The following RIT2 variants were observed in gnomAD, a reference collection of about 807,000 sequenced individuals.
The protein encoded by RIT2 is Ras like without CAAX 2.
Under a neutral mutation model 23.7 loss-of-function variants are expected in RIT2, and 24 were observed. The ratio of observed to expected loss-of-function variants is 1.01; its 90% CI spans 0.73 to 1.43. The LOEUF (loss-of-function observed/expected upper bound fraction) is 1.43. Among genes scored for constraint, RIT2 ranks in the 40% most tolerant of loss-of-function variants. The pLI is 0.00. For synonymous variants in RIT2, 107 were observed against 91.1 expected (o/e 1.17, Z -0.99); for missense variants, 236 against 266.9 (o/e 0.88, Z 0.81).
chr18:42,845,785 A>G (rs1025737322), intron 4 of RIT2, among the ~76,000 whole-genome samples: 10 of 151,804 alleles, frequency 6.6e-5, no homozygotes, highest in Non-Finnish European at 1.2e-4. Flanking sequence ...GCAGAGACTA[A>G]TAAACACTTC....
chr18:42,874,948 A>G (rs949870635), intron 4 of RIT2, among the ~76,000 whole-genome samples: 1 of 152,108 alleles, frequency 6.6e-6, no homozygotes, highest in African/African-American at 2.4e-5. Context: ...CTGAAATTGA[A>G]CTAATCATGC....
At chr18:42,998,045 C>A (rs1911026015) in intron 2 of RIT2, among the ~76,000 whole-genome samples, 2 of 152,136 alleles carry the variant, frequency 1.3e-5, no homozygotes, top group South Asian at 2.1e-4. Flanking sequence ...CACCACAATA[C>A]ATTTTTTTTA....
In RIT2 at chr18:42,920,537, T is replaced by A. The variant is rs150643696; in HGVS notation, c.426+3035A>T. ...AATATTTTTCACAGATTAAATACTA[T>A]CCTTTGAATCCTTCCACATTAAAGC... On this transcript the variant is annotated intron_variant, in intron 4 of 4. Transcript: ENST00000326695. 6.6e-5 allele frequency among the ~76,000 whole-genome samples: 10 copies of A among 152,346 alleles called. No individual in the cohort carries two copies. In the East Asian group the frequency reaches 1.9e-3, roughly 29 times the overall value.
At chr18:42,803,716 T>C (rs954488666) in intron 4 of RIT2, among the ~76,000 whole-genome samples, 2 of 152,234 alleles carry the variant, frequency 1.3e-5, no homozygotes, top group Non-Finnish European at 2.9e-5. Context: ...TCCAACCTGA[T>C]GCTATTTGCT....
At chr18:42,891,093 G>C (rs1410130788) in intron 4 of RIT2, among the ~76,000 whole-genome samples, 4 of 152,134 alleles carry the variant, frequency 2.6e-5, no homozygotes, top group Admixed American at 1.3e-4. Flanking sequence ...AGGAATTTCT[G>C]CATAATTGCA....
In RIT2 at chr18:42,964,372, C is replaced by T. The variant is rs571897734; in HGVS notation, c.234+9702G>A. Among the ~76,000 whole-genome samples, 9 of 151,882 alleles carry T rather than the reference C, an allele frequency of 5.9e-5. No individual in the cohort carries two copies. In the East Asian group the frequency reaches 1.6e-3, roughly 26 times the overall value. ...ACTAGATGAAAAGCTACATGCCTCCCCAGTATTTTGCCCACAAGGAAATTC... is the reference window on the plus strand; with the variant it reads ...ACTAGATGAAAAGCTACATGCCTCCTCAGTATTTTGCCCACAAGGAAATTC... On this transcript the variant is annotated intron_variant, in intron 3 of 4. Transcript: ENST00000326695.
chr18:43,036,783 C>A (rs1341363160), intron 1 of RIT2, among the ~76,000 whole-genome samples: 3 of 152,120 alleles, frequency 2.0e-5, no homozygotes, highest in Non-Finnish European at 2.9e-5. Context: ...GTATAAGTTT[C>A]TTTTGTGTTT....
At position 42,814,057 on chromosome 18, in the gene RIT2, G is replaced by T. The variant is rs980139808; in HGVS notation, c.427-70337C>A. 2.0e-5 allele frequency among the ~76,000 whole-genome samples: 3 copies of T among 152,194 alleles called. No individual in the cohort carries two copies. The East Asian group carries it at 5.8e-4, about 29-fold the overall frequency. ...ATACAGGGGTAGAGGAAGCAGTGGG[G>T]TAAGGCCTGTGAGCTCACTGTGTCC... is the stretch of plus-strand genomic sequence containing the variant. On this transcript the variant is annotated intron_variant, in intron 4 of 4. Coordinates refer to ENST00000326695, the MANE Select transcript of RIT2 (RefSeq NM_002930.4).
chr18:42,841,791 TCTCA>T (rs1478389819), intron 4 of RIT2, among the ~76,000 whole-genome samples: 2 of 152,324 alleles, frequency 1.3e-5, no homozygotes, highest in East Asian at 1.9e-4. Flanking sequence ...AAGGGAATCA[TCTCA>T]CTATTATTTA....
chr18:43,022,894 G>T (rs1911629257), intron 2 of RIT2, among the ~76,000 whole-genome samples: 1 of 152,058 alleles, frequency 6.6e-6, no homozygotes, highest in Admixed American at 6.6e-5. Context: ...ACAATAAGTG[G>T]TTTATTCAGA....
At chr18:42,974,193 G>C in intron 2 of RIT2, 46 bp from the exon 3 acceptor site, 2 of 1,314,590 alleles carry the variant, frequency 1.5e-6, no homozygotes, top group South Asian at 1.2e-5. Context: ...GACAGGAAAG[G>C]CATTATTAAT....
rs533964998 is a variant in RIT2 at position 42,941,456 on chromosome 18, C to A, written c.235-17693G>T. 2.3e-3 allele frequency among the ~76,000 whole-genome samples: 356 copies of A among 152,116 alleles called. 2 individuals are homozygous for A. Among genetic ancestry groups the A allele is most frequent in the African/African-American group, 8.1e-3 (336 of 41,526 alleles). On this transcript the variant is annotated intron_variant, in intron 3 of 4. Transcript: ENST00000326695. ...TTTTCCAGGAGGGATGAAAGTTTCACTGTTTGCCGCCCATAGATACAATGT... is the reference window on the plus strand; with the variant it reads ...TTTTCCAGGAGGGATGAAAGTTTCAATGTTTGCCGCCCATAGATACAATGT...
chr18:42,848,401 T>C (rs1598681306), intron 4 of RIT2, among the ~76,000 whole-genome samples: 2 of 152,204 alleles, frequency 1.3e-5, no homozygotes, highest in Non-Finnish European at 2.9e-5. Context: ...TGAGTAGATA[T>C]ATCAGTGTAT....
intron 4 of RIT2, among the ~76,000 whole-genome samples, chr18:42,837,466 CTCTTTTT>C (rs1230280684): frequency 7.6e-6 from 1 of 131,764 alleles, no homozygotes; most frequent in Non-Finnish European, 1.7e-5. Flanking sequence ...CACACCTGGC[CTCTTTTT>C]TAAAAAAAAA....
chr18:42,868,457 A>G (rs981492987), intron 4 of RIT2, among the ~76,000 whole-genome samples: 3 of 152,236 alleles, frequency 2.0e-5, no homozygotes, highest in Admixed American at 2.0e-4. Flanking sequence ...TCAATGTTAC[A>G]TAATTTGCTC....
chr18:43,015,897 A>T (rs1911463947), intron 2 of RIT2, among the ~76,000 whole-genome samples: 1 of 151,750 alleles, frequency 6.6e-6, no homozygotes, highest in Non-Finnish European at 1.5e-5. Flanking sequence ...TAAAGTAAAA[A>T]CACCACTCAC....
chr18:42,785,859 A>C (rs1421111709), intron 4 of RIT2, among the ~76,000 whole-genome samples: 1 of 152,158 alleles, frequency 6.6e-6, no homozygotes, highest in Non-Finnish European at 1.5e-5. Context: ...TACTGACGGC[A>C]GGGTAACTTG....
chr18:42,923,902 A>T (rs1054136722), intron 3 of RIT2, 139 bp from the exon 4 acceptor site: 5 of 680,132 alleles, frequency 7.4e-6, no homozygotes, highest in Non-Finnish European at 1.1e-5. Flanking sequence ...GATTTCATTT[A>T]TGAGATCTTA....
At chr18:43,017,067 G>C (rs1307210152) in intron 2 of RIT2, among the ~76,000 whole-genome samples, 1 of 151,874 alleles carries the variant, frequency 6.6e-6, no homozygotes, top group African/African-American at 2.4e-5. Flanking sequence ...TAAATATATG[G>C]CACTAGGTAA....
Sources: allele counts gnomAD v4.1 joint callset (sites outside exome capture counted in the v4.1 genomes callset), GRCh38; gene constraint gnomAD v4.1.1; transcripts MANE v1.5; gene names NCBI Gene and HGNC (gene_info 2026-07-23, HGNC 2026-07-21).